GALK1: variants seen among roughly 807,000 people sequenced by gnomAD.
GALK1 encodes the protein galactokinase 1, also known as galactokinase.
In GALK1, 30 loss-of-function variants were observed where a neutral mutation model predicts 38.6. The observed-to-expected ratio is 0.78, with a 90% CI of 0.58 to 1.05. GALK1 has a LOEUF of 1.05. GALK1 is among the 50% of genes least tolerant of loss of function. The pLI is 0.00. For missense variants in GALK1, 512 were observed against 540.5 expected (o/e 0.95, Z 0.52); for synonymous variants, 240 against 233.6 (o/e 1.03, Z -0.25).
At chr17:75,763,289 G>A (rs1451857531) in intron 3 of GALK1, 31 bp downstream of exon 3, 1 of 1,613,934 alleles carries the variant, frequency 6.2e-7, no homozygotes, top group Non-Finnish European at 8.5e-7. Context: ...AGGGAAGGAG[G>A]GCTGGGTCAG....
rs2061563511 is a variant in GALK1 at position 75,758,223 on chromosome 17, A to G, written c.1094T>C (p.Met365Thr). Residue 365 changes from methionine (M) to threonine (T), a missense_variant, in exon 7 of 8, where the codon ATG becomes ACG. Transcript: ENST00000588479. The part of the protein sequence containing the change: ...LLEASAAPHA[M>T]RHIQEHYGGT... ...GTGCCCGCCCACCTGGATGTGCCGC[A>G]TGGCGTGGGGAGCAGCGGAGGCCTC... The G allele has an allele frequency of 4.4e-6, 7 of 1,605,946 alleles. No homozygotes were observed. Among genetic ancestry groups the G allele is most frequent in the Non-Finnish European group, 5.9e-6 (7 of 1,177,216 alleles).
intron 5 of GALK1, among the ~76,000 whole-genome samples, chr17:75,759,570 C>T (rs958803038): frequency 2.0e-5 from 3 of 151,830 alleles, no homozygotes; most frequent in Admixed American, 6.6e-5. Flanking sequence ...AGAGGGATTG[C>T]GCTTCTAGGG....
intron 3 of GALK1, 23 bp downstream of exon 3, chr17:75,763,297 C>G (rs1361738580): frequency 1.9e-6 from 3 of 1,613,720 alleles, no homozygotes; most frequent in African/African-American, 2.7e-5. Flanking sequence ...AGGGCTGGGT[C>G]AGGGCTGGGG....
In GALK1 at chr17:75,759,466, A is replaced by G. The variant is rs140207445; in HGVS notation, c.794-867T>C. Among the ~76,000 whole-genome samples, 90 of 151,212 alleles carry G rather than the reference A, an allele frequency of 6.0e-4. 1 individual carries two copies. The highest frequency in any genetic ancestry group is 2.2e-3 in the African/African-American group (90 of 41,042). ...GAAAGAAAGAAAGAAATGAATGGAA[A>G]TGAGACAGTGGGTGGTGTTTTAGGA... On this transcript the variant is annotated intron_variant, in intron 5 of 7. Coordinates refer to ENST00000588479, the MANE Select transcript of GALK1 (RefSeq NM_000154.2).
In GALK1 at chr17:75,758,610, AAG is replaced by A; in HGVS notation, c.794-13_794-12del. The A allele has an allele frequency of 6.3e-7, 1 of 1,583,278 alleles. No individual in the cohort carries two copies. Among genetic ancestry groups the A allele is most frequent in the Non-Finnish European group, 8.5e-7 (1 of 1,172,672 alleles). ...CCAGGTCCCTGGCAGCTGGGGAGGAAAGAGGAGTCAGCAGCCGCCTTCTCACT... is the reference window on the plus strand; with the variant it reads ...CCAGGTCCCTGGCAGCTGGGGAGGAAAGGAGTCAGCAGCCGCCTTCTCACT... On this transcript the variant is annotated splice_polypyrimidine_tract_variant and intron_variant, in intron 5 of 7. Coordinates refer to ENST00000588479, the MANE Select transcript of GALK1 (RefSeq NM_000154.2).
At chr17:75,763,218 G>T (rs1286253087) in intron 3 of GALK1, 69 bp from the exon 4 acceptor site, 2 of 1,610,956 alleles carry the variant, frequency 1.2e-6, no homozygotes, top group Non-Finnish European at 1.7e-6. Flanking sequence ...GACACTCCAG[G>T]GAGAGTCCCT....
intron 8 of GALK1, chr17:75,752,602 A>G (rs1204177282): frequency 2.4e-5 from 38 of 1,612,880 alleles, no homozygotes; most frequent in Non-Finnish European, 3.1e-5. Context: ...GGGACCCACA[A>G]GAGGACAGTG....
downstream of GALK1, chr17:75,754,551 A>G (rs777015622): frequency 6.2e-7 from 1 of 1,612,996 alleles, no homozygotes; most frequent in Non-Finnish European, 8.5e-7. Flanking sequence ...AGGCCTGACC[A>G]AGGGACCCTG....
chr17:75,762,980 C>T lies in GALK1; in HGVS notation c.611+34G>A, dbSNP rs76743658. ...ACTCCCACCCAGGAGCTGCTGAGTGCAGGGCGGGAGGGGACGAGGGGAGCG... is the reference window on the plus strand; with the variant it reads ...ACTCCCACCCAGGAGCTGCTGAGTGTAGGGCGGGAGGGGACGAGGGGAGCG... On this transcript the variant is annotated intron_variant, in intron 4 of 7. Coordinates refer to ENST00000588479, the MANE Select transcript of GALK1 (RefSeq NM_000154.2). The T allele has an allele frequency of 0.024, 38,875 of 1,612,034 alleles. 578 individuals carry two copies. Among genetic ancestry groups the T allele is most frequent in the Non-Finnish European group, 0.029 (33,790 of 1,179,832 alleles).
Position 75,758,147 on chromosome 17 carries a change from G to C in GALK1, c.1108-20C>G. ...GTGCTCCTGTAAGAGGCGGGCTGGG[G>C]GTGAGTGGCAGGGCCCCGGGAAGCT... On this transcript the variant is annotated intron_variant, in intron 7 of 7. Coordinates refer to ENST00000588479, the MANE Select transcript of GALK1 (RefSeq NM_000154.2). 6.2e-7 allele frequency: 1 copy of C among 1,612,292 alleles called. No homozygotes were observed. Among genetic ancestry groups the C allele is most frequent in the Non-Finnish European group, 8.5e-7 (1 of 1,179,800 alleles).
intron 8 of GALK1, chr17:75,752,650 GA>G: frequency 6.3e-7 from 1 of 1,584,848 alleles, no homozygotes; most frequent in Non-Finnish European, 8.6e-7. Context: ...TGGGTCCAGA[GA>G]GGGCAAAGGG....
chr17:75,763,145 C>A lies in GALK1; in HGVS notation c.480G>T (p.Ser160=). The A allele has an allele frequency of 6.2e-7, 1 of 1,611,582 alleles. No homozygotes were observed. Among genetic ancestry groups the A allele is most frequent in the South Asian group, 1.1e-5 (1 of 91,062 alleles). The change falls in exon 4 of 8, where the codon TCG becomes TCT. Residue 160 remains serine (S), a synonymous_variant. Coordinates refer to ENST00000588479, the MANE Select transcript of GALK1 (RefSeq NM_000154.2). ...YTFLQQLCPD[S]GTIAARAQVC... ...CCTGGGCGCGGGCAGCTATTGTGCC[C>A]GAGTCTGCAGTACAGGGTGAGGTGG...
exon 9 of GALK1, chr17:75,751,696 G>A (rs909532351): frequency 8.9e-6 from 2 of 225,800 alleles, no homozygotes; most frequent in Admixed American, 5.2e-5. Context: ...AACCGAGATC[G>A]TGTTACCGCA....
chr17:75,754,993 C>T, downstream of GALK1: 2 of 1,541,836 alleles, frequency 1.3e-6, no homozygotes, highest in South Asian at 1.2e-5. Flanking sequence ...CATGCATGCG[C>T]ACACGTACAC....
chr17:75,763,719 C>T (rs1447600818), intron 2 of GALK1, 178 bp downstream of exon 2: 12 of 768,984 alleles, frequency 1.6e-5, no homozygotes, highest in Admixed American at 1.1e-4. Flanking sequence ...AATCAGGTCA[C>T]GGGAAACCCA....
intron 1 of GALK1, 129 bp from the exon 2 acceptor site, chr17:75,764,215 G>T: frequency 1.1e-6 from 1 of 939,142 alleles, no homozygotes; most frequent in Non-Finnish European, 1.7e-6. Flanking sequence ...GTTCAGCGTC[G>T]CAGGGAAGAT....
downstream of GALK1, chr17:75,753,732 G>A (rs765012277): frequency 1.5e-6 from 2 of 1,356,496 alleles, no homozygotes; most frequent in Non-Finnish European, 1.9e-6. Context: ...GCGCCCCCCG[G>A]CGGTGCCAAC....
At position 75,763,349 on chromosome 17, in the gene GALK1, G is replaced by C; in HGVS notation, c.446C>G (p.Thr149Arg). 7 of 1,613,972 alleles carry C rather than the reference G, an allele frequency of 4.3e-6. No homozygotes were observed. The highest frequency in any genetic ancestry group is 5.9e-6 in the Non-Finnish European group (7 of 1,179,974). Residue 149 changes from threonine (T) to arginine (R), a missense_variant, in exon 3 of 8, where the codon ACG becomes AGG. Thr to Arg is a moderately conservative substitution (Grantham distance 71). Coordinates refer to ENST00000588479, the MANE Select transcript of GALK1 (RefSeq NM_000154.2). ...LSSSASLEVA[T>R]YTFLQQLCPD... ...ACAGAGCTGCTGGAGGAAGGTGTAC[G>C]TGGCCACTTCCAAGGATGCTGAGCT... is the stretch of plus-strand genomic sequence containing the variant.
chr17:75,763,804 C>G, intron 2 of GALK1, 93 bp downstream of exon 2: 1 of 1,229,974 alleles, frequency 8.1e-7, no homozygotes, highest in Admixed American at 1.9e-5. Flanking sequence ...ACAAGCCTTC[C>G]CCACAGTGTA....
Sources: gnomAD v4.1 joint callset for allele counts (sites outside exome capture counted in the v4.1 genomes callset) on GRCh38, gnomAD v4.1.1 for gene constraint, MANE v1.5 for transcripts, NCBI Gene and HGNC (gene_info 2026-07-23, HGNC 2026-07-21) for gene names.